The following CRPPA variants were observed in gnomAD, a reference collection of about 807,000 sequenced individuals.
The protein encoded by CRPPA is D-ribitol-5-phosphate cytidylyltransferase.
CRPPA carries 43 observed loss-of-function variants against 52.0 expected under a neutral mutation model. That is an observed-to-expected ratio of 0.83 (90% CI 0.65 to 1.07). CRPPA has a LOEUF of 1.07. Ranked by LOEUF, CRPPA falls within the 50% of genes least tolerant of loss-of-function variation. CRPPA has a pLI of 0.00. For missense variants in CRPPA, 629 were observed against 551.7 expected, an observed-to-expected ratio of 1.14 and a Z score of -1.40; for synonymous variants, 250 against 203.5, an observed-to-expected ratio of 1.23 and a Z score of -1.94.
intron 9 of CRPPA, among the ~76,000 whole-genome samples, chr7:16,160,799 C>T (rs114570552): frequency 0.022 from 3,385 of 152,202 alleles, 137 homozygotes; most frequent in African/African-American, 0.077. Flanking sequence ...TCAATGAGCA[C>T]GGAATGTTTT....
In CRPPA at chr7:16,254,777, GA is replaced by G. The variant is rs1458666832; in HGVS notation, c.1119+3612del. Among the ~76,000 whole-genome samples the G allele has an allele frequency of 9.6e-5, 12 of 125,150 alleles. No homozygotes were observed. The East Asian group carries it at 2.8e-3, about 29-fold the overall frequency. 82.1% of individuals were successfully genotyped at this position (125,150 alleles called of 152,430 possible). A position where few individuals can be genotyped will look rare whatever the true frequency, so the allele number is the denominator to read the frequency against. On this transcript the variant is annotated intron_variant, in intron 8 of 9. Transcript: ENST00000407010. ...AGAAAGAAAGACAGACACACAGAAA[GA>G]AAGAAAGAAAGAAGGAAAGAAAGAA...
chr7:16,249,373 C>T (rs1210436630), intron 8 of CRPPA, among the ~76,000 whole-genome samples: 24 of 152,190 alleles, frequency 1.6e-4, no homozygotes, highest in Admixed American at 6.5e-5. Context: ...AGCATTCGAG[C>T]TCTAATAATG....
chr7:16,121,746 C>T (rs1782484736), intron 9 of CRPPA, among the ~76,000 whole-genome samples: 1 of 151,934 alleles, frequency 6.6e-6, no homozygotes, highest in Admixed American at 6.6e-5. Context: ...ACTGTCATGC[C>T]ATAAAATGAT....
At chr7:16,341,029 A>G (rs1435226438) in intron 3 of CRPPA, among the ~76,000 whole-genome samples, 1 of 152,182 alleles carries the variant, frequency 6.6e-6, no homozygotes, top group Non-Finnish European at 1.5e-5. Flanking sequence ...GATTCCAACT[A>G]TAATATTCTG....
intron 2 of CRPPA, among the ~76,000 whole-genome samples, chr7:16,384,575 G>T (rs1040731805): frequency 6.6e-6 from 1 of 152,202 alleles, no homozygotes; most frequent in Non-Finnish European, 1.5e-5. Context: ...GATATCAAAG[G>T]CAGACAATAT....
intron 3 of CRPPA, among the ~76,000 whole-genome samples, chr7:16,326,350 T>C (rs565505498): frequency 3.3e-4 from 51 of 152,284 alleles, no homozygotes; most frequent in African/African-American, 1.1e-3. Flanking sequence ...TGTGATGATA[T>C]CAAGGCTAGG....
At chr7:16,190,620 A>C (rs1042949491) in intron 9 of CRPPA, among the ~76,000 whole-genome samples, 1 of 152,124 alleles carries the variant, frequency 6.6e-6, no homozygotes, top group East Asian at 1.9e-4. Flanking sequence ...CGGAACTAGT[A>C]ATTTTTTTTC....
intron 9 of CRPPA, among the ~76,000 whole-genome samples, chr7:16,098,678 T>C (rs1171616132): frequency 6.6e-6 from 1 of 152,246 alleles, no homozygotes; most frequent in African/African-American, 2.4e-5. Flanking sequence ...AGACTTGTTA[T>C]AAGATCATTA....
At chr7:16,234,455 A>G (rs183408239) in intron 8 of CRPPA, among the ~76,000 whole-genome samples, 10 of 152,266 alleles carry the variant, frequency 6.6e-5, no homozygotes, top group Non-Finnish European at 1.3e-4. Flanking sequence ...CGTTTTTCTA[A>G]AAGGCAAAAT....
Position 16,295,002 on chromosome 7 carries a change from C to T in CRPPA, c.835+6419G>A, listed in dbSNP as rs4721487. Among the ~76,000 whole-genome samples, 3 of 152,042 alleles carry T rather than the reference C, an allele frequency of 2.0e-5. No individual in the cohort carries two copies. The East Asian group carries it at 5.8e-4, about 29-fold the overall frequency. Reference sequence around the variant, plus strand: ...ATCAAGGGACTAGTTTCTGCATATGCATAAAACACACTCCAACACAGTATT... The same window carrying T: ...ATCAAGGGACTAGTTTCTGCATATGTATAAAACACACTCCAACACAGTATT... On this transcript the variant is annotated intron_variant, in intron 5 of 9. Transcript: ENST00000407010.
At chr7:16,110,904 T>C (rs1782249481) in intron 9 of CRPPA, among the ~76,000 whole-genome samples, 1 of 151,834 alleles carries the variant, frequency 6.6e-6, no homozygotes, top group African/African-American at 2.4e-5. Context: ...TTGGACTACA[T>C]AAGTACAGGA....
At chr7:16,222,068 T>C (rs1161247955) in intron 8 of CRPPA, among the ~76,000 whole-genome samples, 2 of 149,972 alleles carry the variant, frequency 1.3e-5, no homozygotes, top group African/African-American at 4.9e-5. Context: ...AATGATAGAC[T>C]GGATTAAGAA....
In CRPPA at chr7:16,245,830, A is replaced by C. The variant is rs77259302; in HGVS notation, c.1119+12560T>G. Among the ~76,000 whole-genome samples, 1,008 of 152,304 alleles carry C rather than the reference A, an allele frequency of 6.6e-3. 13 individuals carry two copies. The highest frequency in any genetic ancestry group is 0.024 in the African/African-American group (981 of 41,574). On this transcript the variant is annotated intron_variant, in intron 8 of 9. Coordinates refer to ENST00000407010, the MANE Select transcript of CRPPA (RefSeq NM_001101426.4). ...TATCATCCGTTACGTGCACAATAGC[A>C]TTATGACCAAACAATAATATACATA...
intron 3 of CRPPA, among the ~76,000 whole-genome samples, chr7:16,309,520 GA>G (rs1416121590): frequency 6.6e-6 from 1 of 152,154 alleles, no homozygotes; most frequent in Non-Finnish European, 1.5e-5. Flanking sequence ...TCCAACAGCA[GA>G]ATAAAATTGA....
Position 16,256,562 on chromosome 7 carries a change from A to AC in CRPPA, c.1119+1827dup, listed in dbSNP as rs1489207135. On this transcript the variant is annotated intron_variant, in intron 8 of 9. Coordinates refer to ENST00000407010, the MANE Select transcript of CRPPA (RefSeq NM_001101426.4). Reference sequence around the variant, plus strand: ...GATAAAGAAAATATGGCACATACACACCATGGAATACTATGCAGCCATAAA... The same window carrying AC: ...GATAAAGAAAATATGGCACATACACACCCATGGAATACTATGCAGCCATAAA... 1.8e-4 allele frequency among the ~76,000 whole-genome samples: 27 copies of AC among 152,282 alleles called. No homozygotes were observed. The East Asian group carries it at 5.0e-3, about 28-fold the overall frequency.
chr7:16,413,183 G>A (rs1788111200), intron 1 of CRPPA, among the ~76,000 whole-genome samples: 1 of 152,168 alleles, frequency 6.6e-6, no homozygotes, highest in Non-Finnish European at 1.5e-5. Context: ...CGTTTTAGCA[G>A]CAAAATATTG....
intron 9 of CRPPA, among the ~76,000 whole-genome samples, chr7:16,157,093 A>G: frequency 6.6e-6 from 1 of 152,178 alleles, no homozygotes; most frequent in Admixed American, 6.5e-5. Context: ...AAAGACTTCA[A>G]AGTAAGTTGC....
chr7:16,312,765 G>A (rs1304877), intron 3 of CRPPA, among the ~76,000 whole-genome samples: 100,409 of 151,706 alleles, frequency 0.66, 35,222 homozygotes, highest in Non-Finnish European at 0.79. Context: ...TCTATTTCTC[G>A]TTTTCTGAAA....
intron 9 of CRPPA, among the ~76,000 whole-genome samples, chr7:16,166,358 C>G (rs1003901592): frequency 1.3e-5 from 2 of 152,088 alleles, no homozygotes; most frequent in Non-Finnish European, 2.9e-5. Flanking sequence ...CAGCTCACTG[C>G]AACCTCTGTC....
Sources: gnomAD v4.1 joint callset for allele counts (sites outside exome capture counted in the v4.1 genomes callset) on GRCh38, gnomAD v4.1.1 for gene constraint, MANE v1.5 for transcripts, NCBI Gene and HGNC (gene_info 2026-07-23, HGNC 2026-07-21) for gene names.